NUDCD1: variants seen among roughly 807,000 people sequenced by gnomAD.
NUDCD1 encodes nudC domain-containing protein 1.
A neutral mutation model predicts 67.8 loss-of-function variants in NUDCD1; 60 were observed. That is an observed-to-expected ratio of 0.88 (90% CI 0.72 to 1.10). The LOEUF (loss-of-function observed/expected upper bound fraction) is 1.10. Ranked by LOEUF, NUDCD1 falls within the 50% of genes least tolerant of loss-of-function variation. The probability of loss-of-function intolerance (pLI) is 0.00; values close to 1 mark genes in which losing one functional copy is unlikely to be tolerated. For missense variants in NUDCD1, 643 were observed against 695.0 expected, an observed-to-expected ratio of 0.93 and a Z score of 0.84; for synonymous variants, 244 against 230.8, an observed-to-expected ratio of 1.06 and a Z score of -0.52.
chr8:109,243,365 ATT>A, intron 9 of NUDCD1, 64 bp from the exon 10 acceptor site: 1 of 1,286,260 alleles, frequency 7.8e-7, no homozygotes, highest in Non-Finnish European at 1.1e-6. Flanking sequence ...AAAAATGATG[ATT>A]TAACATTTAA....
intron 8 of NUDCD1, among the ~76,000 whole-genome samples, chr8:109,256,163 C>T (rs541029990): frequency 6.6e-6 from 1 of 152,220 alleles, no homozygotes; most frequent in African/African-American, 2.4e-5. Context: ...AGTGAGCATG[C>T]ACTTCAGCCT....
intron 2 of NUDCD1, among the ~76,000 whole-genome samples, chr8:109,313,400 C>G (rs1347279739): frequency 6.6e-6 from 1 of 152,062 alleles, no homozygotes; most frequent in East Asian, 1.9e-4. Flanking sequence ...TATGCCAAAA[C>G]AAATATCATG....
chr8:109,248,920 T>C (rs1461043042), intron 8 of NUDCD1, among the ~76,000 whole-genome samples: 1 of 152,146 alleles, frequency 6.6e-6, no homozygotes, highest in Non-Finnish European at 1.5e-5. Context: ...GCATATCCTG[T>C]CCATTATACA....
intron 2 of NUDCD1, among the ~76,000 whole-genome samples, chr8:109,321,938 T>A (rs1375283501): frequency 6.6e-6 from 1 of 152,164 alleles, no homozygotes; most frequent in Non-Finnish European, 1.5e-5. Context: ...CCTAAATGTT[T>A]GTACCAATTA....
Position 109,293,331 on chromosome 8 carries a change from AC to A in NUDCD1, c.640+12del. On this transcript the variant is annotated intron_variant, in intron 4 of 9. Transcript: ENST00000239690. ...TGCCAACCAGTAGAGACAGATTCAGACTTTTGTTTTACCTTGATTTTTCTTA... is the reference window on the plus strand; with the variant it reads ...TGCCAACCAGTAGAGACAGATTCAGATTTTGTTTTACCTTGATTTTTCTTA... The A allele has an allele frequency of 6.8e-7, 1 of 1,473,534 alleles. No homozygotes were observed. Among genetic ancestry groups the A allele is most frequent in the Non-Finnish European group, 9.2e-7 (1 of 1,086,148 alleles). 91.3% of individuals were successfully genotyped at this position (1,473,534 alleles called of 1,614,324 possible).
At chr8:109,271,892 G>A (rs1291930871) in intron 7 of NUDCD1, among the ~76,000 whole-genome samples, 1 of 151,908 alleles carries the variant, frequency 6.6e-6, no homozygotes, top group Non-Finnish European at 1.5e-5. Context: ...ATTTGAAGGT[G>A]TAAGAGAAAA....
chr8:109,280,996 T>G lies in NUDCD1; in HGVS notation c.1000A>C (p.Ser334Arg). The change falls in exon 6 of 10, where the codon AGT (serine) becomes CGT (arginine). Residue 334 changes from serine (S) to arginine (R), a missense_variant. By Grantham distance (110) the Ser-to-Arg change is moderately radical. Transcript: ENST00000239690. The stretch of plus-strand genomic sequence containing the variant: ...TTACTCTCTTTAATTATCCATGTAC[T>G]GCTTTCATGATCAATAGATGAATAG... ...KLYSSIDHES[S>R]TWIIKESNSL... is the part of the protein sequence containing the mutation. 1.3e-6 allele frequency: 2 copies of G among 1,599,676 alleles called. No homozygotes were observed. Among genetic ancestry groups the G allele is most frequent in the Middle Eastern group, 3.3e-4 (2 of 6,034 alleles).
chr8:109,299,486 C>G (rs1448240859), intron 2 of NUDCD1, among the ~76,000 whole-genome samples: 1 of 152,128 alleles, frequency 6.6e-6, no homozygotes. Flanking sequence ...GGTTCTCCCC[C>G]ACTTCCCTGA....
At chr8:109,319,341 T>C (rs1248756305) in intron 2 of NUDCD1, among the ~76,000 whole-genome samples, 3 of 152,168 alleles carry the variant, frequency 2.0e-5, no homozygotes, top group Admixed American at 6.5e-5. Flanking sequence ...AAACTGTCTA[T>C]GGCTGATTTC....
rs571718374 is a variant in NUDCD1, at chr8:109,302,327, T to C, written c.274-5758A>G. Among the ~76,000 whole-genome samples, 6 of 152,274 alleles carry C rather than the reference T, an allele frequency of 3.9e-5. No individual in the cohort carries two copies. The South Asian group carries it at 1.0e-3, about 26-fold the overall frequency. ...GGTGCCTGATGTCCAGGCATTCTTT[T>C]ACACATCGGTCCCTTCCTAATCTCT... On this transcript the variant is annotated intron_variant, in intron 2 of 9. Coordinates refer to ENST00000239690, the MANE Select transcript of NUDCD1 (RefSeq NM_032869.4).
In NUDCD1 at chr8:109,271,023, T is replaced by C. The variant is rs1318650810; in HGVS notation, c.1281A>G (p.Thr427=). The C allele has an allele frequency of 6.3e-7, 1 of 1,589,448 alleles. No homozygotes were observed. Among genetic ancestry groups the C allele is most frequent in the South Asian group, 1.1e-5 (1 of 87,806 alleles). ...SSSLCRFDGN[T]LKTTHVVNLG... Reference sequence around the variant, plus strand: ...AACTTACCACATGAGTAGTTTTTAATGTATTGCCATCAAATCTGCATAAAC... The same window carrying C: ...AACTTACCACATGAGTAGTTTTTAACGTATTGCCATCAAATCTGCATAAAC... The change falls in exon 8 of 10, where the codon ACA becomes ACG. Residue 427 remains threonine (T), a synonymous_variant. Coordinates refer to ENST00000239690, the MANE Select transcript of NUDCD1 (RefSeq NM_032869.4).
At position 109,333,795 on chromosome 8, in the gene NUDCD1, G is replaced by C. The variant is rs1190273526; in HGVS notation, c.118+98C>G. 8 of 1,336,192 alleles carry C rather than the reference G, an allele frequency of 6.0e-6. No homozygotes were observed. The East Asian group carries it at 1.9e-4, about 32-fold the overall frequency. 82.8% of individuals were successfully genotyped at this position (1,336,192 alleles called of 1,614,324 possible). A position where few individuals can be genotyped will look rare whatever the true frequency, so the allele number is the denominator to read the frequency against. ...CCACGCAAGCCGCCACGGTGGCTTC[G>C]CTTGCCAGTCAGAAAGAAAGAAATT... On this transcript the variant is annotated intron_variant, in intron 1 of 9. Coordinates refer to ENST00000239690, the MANE Select transcript of NUDCD1 (RefSeq NM_032869.4).
At chr8:109,246,927 C>G (rs1478049893) in intron 8 of NUDCD1, among the ~76,000 whole-genome samples, 1 of 152,172 alleles carries the variant, frequency 6.6e-6, no homozygotes, top group East Asian at 1.9e-4. Context: ...TGTGACAACA[C>G]AGGCTATTGG....
intron 8 of NUDCD1, among the ~76,000 whole-genome samples, chr8:109,261,257 G>T (rs1033642891): frequency 1.3e-5 from 2 of 151,968 alleles, no homozygotes; most frequent in Non-Finnish European, 2.9e-5. Flanking sequence ...TATTGTTATA[G>T]ACATAAAAAT....
At chr8:109,292,529 T>C (rs1814733661) in intron 4 of NUDCD1, among the ~76,000 whole-genome samples, 1 of 152,116 alleles carries the variant, frequency 6.6e-6, no homozygotes, top group Non-Finnish European at 1.5e-5. Context: ...GGTAAAGAAA[T>C]ATTTTTCTAC....
chr8:109,286,583 A>C (rs1297688652), intron 5 of NUDCD1, among the ~76,000 whole-genome samples: 3 of 152,182 alleles, frequency 2.0e-5, no homozygotes, highest in Non-Finnish European at 4.4e-5. Context: ...CCATATGCAG[A>C]AAAATGAAAC....
intron 8 of NUDCD1, among the ~76,000 whole-genome samples, chr8:109,268,342 G>C (rs1164659151): frequency 6.6e-6 from 1 of 152,176 alleles, no homozygotes; most frequent in Non-Finnish European, 1.5e-5. Flanking sequence ...GGGGCAGCCA[G>C]AGCTGATGTA....
chr8:109,282,695 TA>T (rs1205392973), intron 5 of NUDCD1, among the ~76,000 whole-genome samples: 1 of 100,182 alleles, frequency 1.0e-5, no homozygotes, highest in Non-Finnish European at 2.1e-5. Flanking sequence ...GGTGGGGGGC[TA>T]GGGGAGGGAT....
chr8:109,301,876 A>G (rs1345133494), intron 2 of NUDCD1, among the ~76,000 whole-genome samples: 1 of 152,230 alleles, frequency 6.6e-6, no homozygotes, highest in Admixed American at 6.5e-5. Context: ...TTATTCACCC[A>G]CACTCCATTG....
Sources: gnomAD v4.1 joint callset for allele counts (sites outside exome capture counted in the v4.1 genomes callset) on GRCh38, gnomAD v4.1.1 for gene constraint, MANE v1.5 for transcripts, NCBI Gene and HGNC (gene_info 2026-07-23, HGNC 2026-07-21) for gene names.